LRP5: variants seen among roughly 807,000 people sequenced by gnomAD.
The protein encoded by LRP5 is low-density lipoprotein receptor-related protein 5.
In LRP5, 62 loss-of-function variants were observed where a neutral mutation model predicts 154.1. The observed-to-expected ratio is 0.40, with a 90% CI of 0.33 to 0.50. The LOEUF (loss-of-function observed/expected upper bound fraction) is 0.50, where lower values mean the gene tolerates loss of function less well. Ranked by LOEUF, LRP5 falls within the 20% of genes least tolerant of loss-of-function variation. LRP5 has a pLI of 0.55. For missense variants in LRP5, 1,915 were observed against 2,336.7 expected (o/e 0.82, Z 3.72); for synonymous variants, 966 against 1,011.5 (o/e 0.96, Z 0.85).
intron 5 of LRP5, among the ~76,000 whole-genome samples, chr11:68,385,413 C>T (rs759879253): frequency 6.6e-5 from 10 of 152,120 alleles, no homozygotes; most frequent in Non-Finnish European, 1.0e-4. Context: ...CAGTGCCTTG[C>T]CTGTTCTCTG....
intron 2 of LRP5, among the ~76,000 whole-genome samples, chr11:68,350,442 G>C (rs1224464106): frequency 1.3e-5 from 2 of 152,238 alleles, no homozygotes; most frequent in Non-Finnish European, 2.9e-5. Flanking sequence ...GGCTCTGGAA[G>C]CCCTTCCCTT....
chr11:68,426,768 A>G (rs748031489), intron 16 of LRP5, among the ~76,000 whole-genome samples: 1 of 152,246 alleles, frequency 6.6e-6, no homozygotes, highest in African/African-American at 2.4e-5. Flanking sequence ...GTCCAGGCAC[A>G]GCGTGGCTCA....
At chr11:68,392,637 G>A (rs72934404) in intron 7 of LRP5, among the ~76,000 whole-genome samples, 8,060 of 152,198 alleles carry the variant, frequency 0.053, 288 homozygotes, top group Non-Finnish European at 0.08. Context: ...GAAACCCCAT[G>A]CCCACCGGCA....
In LRP5 at chr11:68,320,923, A is replaced by G. The variant is rs370443234; in HGVS notation, c.91+8118A>G. 7.9e-5 allele frequency among the ~76,000 whole-genome samples: 12 copies of G among 152,286 alleles called. No homozygotes were observed. In the East Asian group the frequency reaches 2.3e-3, roughly 29 times the overall value. ...AGATATTAAGAAGCTTCATATAATCATAACTCTACTTTTTCCCTATGGCTT... is the reference window on the plus strand; with the variant it reads ...AGATATTAAGAAGCTTCATATAATCGTAACTCTACTTTTTCCCTATGGCTT... On this transcript the variant is annotated intron_variant, in intron 1 of 22. Transcript: ENST00000294304.
rs1308485193 is a variant in LRP5 at position 68,425,107 on chromosome 11, T to C, written c.3242T>C (p.Leu1081Pro). The C allele has an allele frequency of 1.9e-6, 3 of 1,613,646 alleles. No homozygotes were observed. The highest frequency in any genetic ancestry group is 2.2e-5 in the South Asian group (2 of 91,078). ...AIVVNAERGYLYFTNMQDRAA... is the reference protein window; with the variant it reads ...AIVVNAERGYPYFTNMQDRAA... The stretch of plus-strand genomic sequence containing the variant: ...CACCCGCCACCCTCCCGCAGGTACC[T>C]GTACTTCACCAACATGCAGGACCGG... Residue 1081 changes from leucine (L) to proline (P), a missense_variant, in exon 15 of 23, where the codon CTG becomes CCG. Leu to Pro is a moderately conservative substitution (Grantham distance 98). Around this residue, in one of 3 missense-constraint regions of LRP5, gnomAD observed 1,094 missense variants for 1,210.1 expected, o/e 0.90. Coordinates refer to ENST00000294304, the MANE Select transcript of LRP5 (RefSeq NM_002335.4).
chr11:68,390,077 A>G, intron 7 of LRP5, 25 bp downstream of exon 7: 3 of 1,613,270 alleles, frequency 1.9e-6, no homozygotes, highest in Non-Finnish European at 2.5e-6. Flanking sequence ...GACATGTTTG[A>G]TCCAGGAGGC....
Position 68,416,490 on chromosome 11 carries a change from G to T in LRP5, c.2990G>T (p.Arg997Leu). The T allele has an allele frequency of 6.2e-7, 1 of 1,613,962 alleles. No homozygotes were observed. The highest frequency in any genetic ancestry group is 2.2e-5 in the East Asian group (1 of 44,890). ...LDKFIYWVDG[R>L]QNIKRAKDDG... Reference sequence around the variant, plus strand: ...AAGTTCATCTACTGGGTGGATGGGCGCCAGAACATCAAGCGAGCCAAGGAC... The same window carrying T: ...AAGTTCATCTACTGGGTGGATGGGCTCCAGAACATCAAGCGAGCCAAGGAC... Residue 997 changes from arginine to leucine, a missense_variant, in exon 13 of 23, where the codon CGC becomes CTC. Around this residue, in one of 3 missense-constraint regions of LRP5, gnomAD observed 1,094 missense variants for 1,210.1 expected, o/e 0.90. Coordinates refer to ENST00000294304, the MANE Select transcript of LRP5 (RefSeq NM_002335.4).
chr11:68,438,791 C>A, intron 20 of LRP5, 109 bp downstream of exon 20: 1 of 906,886 alleles, frequency 1.1e-6, no homozygotes, highest in Non-Finnish European at 1.7e-6. Flanking sequence ...GCACATGTGG[C>A]AGACATTGCT....
rs924189236 is a variant in LRP5 at position 68,374,029 on chromosome 11, C to T, written c.1015+8327C>T. On this transcript the variant is annotated intron_variant, in intron 5 of 22. Coordinates refer to ENST00000294304, the MANE Select transcript of LRP5 (RefSeq NM_002335.4). ...GCAGCGCCCAGATGAGGCTGGGGTG[C>T]GGCTTGGGGATTTGTGGGCCGCTGG... Among the ~76,000 whole-genome samples the T allele has an allele frequency of 5.3e-5, 8 of 152,302 alleles. No individual in the cohort carries two copies. In the South Asian group the frequency reaches 8.3e-4, roughly 16 times the overall value.
chr11:68,342,329 C>G (rs567436225), intron 1 of LRP5, among the ~76,000 whole-genome samples: 1 of 152,298 alleles, frequency 6.6e-6, no homozygotes, highest in East Asian at 1.9e-4. Flanking sequence ...GTCAGGGCTC[C>G]TTTCCCCTTT....
intron 21 of LRP5, among the ~76,000 whole-genome samples, chr11:68,444,611 G>A (rs1224263489): frequency 7.9e-6 from 1 of 126,412 alleles, no homozygotes; most frequent in Non-Finnish European, 1.5e-5. Context: ...AGTCCTCTTT[G>A]AATAGGGCCT....
chr11:68,406,838 C>T, intron 9 of LRP5, 25 bp downstream of exon 9: 1 of 1,611,672 alleles, frequency 6.2e-7, no homozygotes, highest in Non-Finnish European at 8.5e-7. Flanking sequence ...AACGTGCACA[C>T]AGGCAGCCTT....
At chr11:68,428,064 T>G (rs926651574) in intron 16 of LRP5, among the ~76,000 whole-genome samples, 1 of 151,612 alleles carries the variant, frequency 6.6e-6, no homozygotes, top group African/African-American at 2.4e-5. Flanking sequence ...GCGATCTCGG[T>G]TCACTGCAAC....
intron 1 of LRP5, among the ~76,000 whole-genome samples, chr11:68,324,695 G>A (rs1166545935): frequency 6.6e-6 from 1 of 152,188 alleles, no homozygotes; most frequent in Non-Finnish European, 1.5e-5. Flanking sequence ...TCTGCTCATC[G>A]TCCAGCTGTG....
intron 1 of LRP5, among the ~76,000 whole-genome samples, chr11:68,332,599 T>C (rs2098603512): frequency 1.3e-5 from 2 of 152,184 alleles, no homozygotes; most frequent in African/African-American, 4.8e-5. Context: ...ATTCATCAGC[T>C]GGGTGTAGAG....
upstream of LRP5, among the ~76,000 whole-genome samples, chr11:68,309,652 G>A (rs2098586569): frequency 6.6e-6 from 1 of 150,422 alleles, no homozygotes; most frequent in Admixed American, 6.6e-5. Context: ...GTCCAGTAGA[G>A]TCTTTAGTTT....
Position 68,353,954 on chromosome 11 carries a change from T to C in LRP5, c.489-3696T>C, listed in dbSNP as rs1401566951. Among the ~76,000 whole-genome samples, 1 of 152,008 alleles carries C rather than the reference T, an allele frequency of 6.6e-6. No homozygotes were observed. The highest frequency in any genetic ancestry group is 2.4e-5 in the African/African-American group (1 of 41,392). On this transcript the variant is annotated intron_variant, in intron 2 of 22. Coordinates refer to ENST00000294304, the MANE Select transcript of LRP5 (RefSeq NM_002335.4). This position sits in a 1 kb window ranked among gnomAD's most constrained non-coding sequence, Gnocchi z 4.5. ...CCCAGGCCCAGGGTACCCATGTGGG[T>C]GGCAGAGCGGGCTCTGGGGATGACC...
At chr11:68,314,364 T>C (rs1460017983) in intron 1 of LRP5, among the ~76,000 whole-genome samples, 2 of 151,914 alleles carry the variant, frequency 1.3e-5, no homozygotes, top group East Asian at 1.9e-4. Context: ...GAGGCAAAAA[T>C]AGAGTTGATT....
At chr11:68,409,798 C>T (rs542351224) in intron 9 of LRP5, 116 bp from the exon 10 acceptor site, 38 of 817,402 alleles carry the variant, frequency 4.6e-5, no homozygotes, top group East Asian at 1.3e-4. Flanking sequence ...TGCAGTGAGC[C>T]GAGATCGCAC....
Sources: gnomAD v4.1 joint callset for allele counts (sites outside exome capture counted in the v4.1 genomes callset) on GRCh38, gnomAD v4.1.1 for gene constraint, gnomAD v4.1.1 regional missense constraint, Gnocchi (gnomAD v3.1) non-coding constraint, MANE v1.5 for transcripts, NCBI Gene and HGNC (gene_info 2026-07-23, HGNC 2026-07-21) for gene names.